The following SPOPL variants were observed in gnomAD, a reference collection of about 807,000 sequenced individuals.
The protein encoded by SPOPL is speckle-type POZ protein-like.
Under a neutral mutation model 53.8 loss-of-function variants are expected in SPOPL, and 23 were observed. That is an observed-to-expected ratio of 0.43 (90% CI 0.31 to 0.61). The LOEUF (loss-of-function observed/expected upper bound fraction) is 0.61. SPOPL is among the 20% of genes least tolerant of loss of function. SPOPL has a pLI of 0.12. For missense variants in SPOPL, 442 were observed against 466.9 expected, an observed-to-expected ratio of 0.95 and a Z score of 0.49; for synonymous variants, 164 against 149.7, an observed-to-expected ratio of 1.10 and a Z score of -0.70.
chr2:138,502,654 G>A (rs1350522820), intron 1 of SPOPL, among the ~76,000 whole-genome samples: 1 of 152,090 alleles, frequency 6.6e-6, no homozygotes. Context: ...CGGTGGTCAT[G>A]CCTTTAACCT....
At position 138,570,911 on chromosome 2, in the gene SPOPL, A is replaced by G. The variant is rs1685766614; in HGVS notation, c.*1831A>G. 1.3e-5 allele frequency: 2 copies of G among 152,158 alleles called. No individual in the cohort carries two copies. The highest frequency in any genetic ancestry group is 4.1e-4 in the South Asian group (2 of 4,836). 9.4% of individuals were successfully genotyped at this position (152,158 alleles called of 1,614,324 possible). On this transcript the variant is annotated 3_prime_UTR_variant, in exon 11 of 11. Transcript: ENST00000280098. ...CACCTGTCTTCATTACTTTCTATGT[A>G]GTTTCATTCTTTGTCGTGGTAACTT...
intron 10 of SPOPL, among the ~76,000 whole-genome samples, chr2:138,568,192 C>T (rs1011657524): frequency 1.3e-5 from 2 of 152,066 alleles, no homozygotes; most frequent in Non-Finnish European, 2.9e-5. Flanking sequence ...ATAATCCAAA[C>T]GTGAGATGAT....
chr2:138,540,745 G>T (rs1358663863), intron 1 of SPOPL, among the ~76,000 whole-genome samples: 1 of 152,132 alleles, frequency 6.6e-6, no homozygotes. Context: ...TCCTTCTCCT[G>T]CCTGATTGCC....
chr2:138,504,537 T>C (rs1684173346), intron 1 of SPOPL, among the ~76,000 whole-genome samples: 1 of 152,214 alleles, frequency 6.6e-6, no homozygotes, highest in South Asian at 2.1e-4. Context: ...CTGGCACTGT[T>C]TCTTAGTTTT....
chr2:138,553,347 A>G (rs1685355294), intron 5 of SPOPL, among the ~76,000 whole-genome samples: 1 of 152,128 alleles, frequency 6.6e-6, no homozygotes, highest in East Asian at 1.9e-4. Context: ...TTTTATCTAT[A>G]TGAATTTTTG....
At chr2:138,525,142 G>A (rs548512952) in intron 1 of SPOPL, among the ~76,000 whole-genome samples, 57 of 152,312 alleles carry the variant, frequency 3.7e-4, no homozygotes, top group Non-Finnish European at 7.2e-4. Context: ...ACAGTTCCAC[G>A]TGGCTGGGGA....
chr2:138,512,851 C>G (rs1271969640), intron 1 of SPOPL, among the ~76,000 whole-genome samples: 1 of 152,170 alleles, frequency 6.6e-6, no homozygotes, highest in Non-Finnish European at 1.5e-5. Flanking sequence ...TAGCCCTTGA[C>G]CTGGAAGAAC....
At chr2:138,507,754 A>G (rs1317548492) in intron 1 of SPOPL, among the ~76,000 whole-genome samples, 2 of 152,198 alleles carry the variant, frequency 1.3e-5, no homozygotes, top group Non-Finnish European at 2.9e-5. Flanking sequence ...TAATATCCTT[A>G]CCACCCATAT....
At position 138,571,122 on chromosome 2, in the gene SPOPL, T is replaced by C. The variant is rs923132911; in HGVS notation, c.*2042T>C. On this transcript the variant is annotated 3_prime_UTR_variant, in exon 11 of 11. Coordinates refer to ENST00000280098, the MANE Select transcript of SPOPL (RefSeq NM_001001664.3). ...AAATACACATACATACATACATATG[T>C]ATACATTTCCAGTTTTAAGATTTTG... 2.0e-5 allele frequency: 3 copies of C among 152,154 alleles called. No homozygotes were observed. The highest frequency in any genetic ancestry group is 7.2e-5 in the African/African-American group (3 of 41,442). The allele number at this position is 152,154 out of a possible 1,614,324, so 9.4% of individuals were successfully genotyped here.
At chr2:138,558,935 TA>T in intron 5 of SPOPL, 86 bp from the exon 6 acceptor site, 1 of 1,154,980 alleles carries the variant, frequency 8.7e-7, no homozygotes, top group Non-Finnish European at 1.2e-6. Context: ...CAAATAAGCT[TA>T]AACATAAAAA....
At chr2:138,551,946 G>A (rs139752148) in intron 4 of SPOPL, among the ~76,000 whole-genome samples, 27 of 152,056 alleles carry the variant, frequency 1.8e-4, no homozygotes, top group African/African-American at 6.5e-4. Flanking sequence ...TACACAAAAA[G>A]CATCTTTTGG....
At chr2:138,509,509 C>G (rs1684283932) in intron 1 of SPOPL, among the ~76,000 whole-genome samples, 2 of 152,062 alleles carry the variant, frequency 1.3e-5, no homozygotes, top group African/African-American at 4.8e-5. Flanking sequence ...GGTATGTTTT[C>G]TGAAGCAAAT....
intron 1 of SPOPL, among the ~76,000 whole-genome samples, chr2:138,522,022 A>G (rs1346115705): frequency 6.6e-6 from 1 of 152,170 alleles, no homozygotes; most frequent in Admixed American, 6.5e-5. Context: ...TCCCAGGACG[A>G]CCTGAGACTT....
Position 138,512,973 on chromosome 2 carries a change from G to C in SPOPL, c.-61+10854G>C, listed in dbSNP as rs563185944. On this transcript the variant is annotated intron_variant, in intron 1 of 10. Coordinates refer to ENST00000280098, the MANE Select transcript of SPOPL (RefSeq NM_001001664.3). ...CCTCGTAACTACACTGCTAAGGTAG[G>C]TCAGTGCTTCTTGAATGTTTCTATT... is the stretch of plus-strand genomic sequence containing the variant. 7.5e-4 allele frequency among the ~76,000 whole-genome samples: 114 copies of C among 152,336 alleles called. No individual in the cohort carries two copies. The South Asian group carries it at 9.5e-3, about 13-fold the overall frequency.
intron 5 of SPOPL, among the ~76,000 whole-genome samples, chr2:138,558,667 A>C (rs1685478574): frequency 6.6e-6 from 1 of 152,008 alleles, no homozygotes; most frequent in South Asian, 2.1e-4. Context: ...GTAAGAAAAT[A>C]AAAAAAATTT....
In SPOPL at chr2:138,559,323, G is replaced by A. The variant is rs1311254083; in HGVS notation, c.700G>A (p.Glu234Lys). The A allele has an allele frequency of 6.2e-7, 1 of 1,611,360 alleles. No homozygotes were observed. The highest frequency in any genetic ancestry group is 8.5e-7 in the Non-Finnish European group (1 of 1,179,000). ...TAACGCCATGTTTGAACATGAAATGGAAGAAAGCAAAAAGGTAAACATGGC... is the reference window on the plus strand; with the variant it reads ...TAACGCCATGTTTGAACATGAAATGAAAGAAAGCAAAAAGGTAAACATGGC... ...VFNAMFEHEMEESKKNRVEIN... is the reference protein window; with the variant it reads ...VFNAMFEHEMKESKKNRVEIN... The change falls in exon 7 of 11, where the codon GAA becomes AAA. Residue 234 changes from glutamate (E) to lysine (K), a missense_variant. Coordinates refer to ENST00000280098, the MANE Select transcript of SPOPL (RefSeq NM_001001664.3).
At chr2:138,533,684 GTTATATA>G (rs2104875850) in intron 1 of SPOPL, among the ~76,000 whole-genome samples, 1 of 151,992 alleles carries the variant, frequency 6.6e-6, no homozygotes, top group East Asian at 1.9e-4. Context: ...AACATTATAT[GTTATATA>G]TTATATTAAC....
chr2:138,564,746 T>C lies in SPOPL; in HGVS notation c.876T>C (p.Ala292=). The change falls in exon 9 of 11, where the codon GCT becomes GCC. Residue 292 remains alanine, a synonymous_variant. Transcript: ENST00000280098. The stretch of plus-strand genomic sequence containing the variant: ...GGCTGAAGGTCATGTGCGAAGAAGC[T>C]TTGTGTAGTAACCTCTCAGTAGAGA... ...LERLKVMCEE[A]LCSNLSVENV... 6.2e-7 allele frequency: 1 copy of C among 1,614,170 alleles called. No homozygotes were observed. Among genetic ancestry groups the C allele is most frequent in the South Asian group, 1.1e-5 (1 of 91,084 alleles).
In SPOPL at chr2:138,573,385, T is replaced by C. The variant is rs1685826877; in HGVS notation, c.*4305T>C. On this transcript the variant is annotated 3_prime_UTR_variant, in exon 11 of 11. Transcript: ENST00000280098. ...GGGAGCTCTTGTTTTTTGGAACCAA[T>C]TGAAGACATTCTTAACTGTAAAATA... The C allele has an allele frequency of 6.6e-6, 1 of 152,168 alleles. No individual in the cohort carries two copies. Among genetic ancestry groups the C allele is most frequent in the African/African-American group, 2.4e-5 (1 of 41,440 alleles). 9.4% of individuals were successfully genotyped at this position (152,168 alleles called of 1,614,324 possible).
Sources: gnomAD v4.1 joint callset for allele counts (sites outside exome capture counted in the v4.1 genomes callset) on GRCh38, gnomAD v4.1.1 for gene constraint, MANE v1.5 for transcripts, NCBI Gene and HGNC (gene_info 2026-07-23, HGNC 2026-07-21) for gene names.